Variants in NECTIN3 observed in about 807,000 individuals in gnomAD.
NECTIN3 encodes the protein nectin cell adhesion molecule 3.
In NECTIN3, 8 loss-of-function variants were observed where a neutral mutation model predicts 49.4. That is an observed-to-expected ratio of 0.16 (90% confidence interval 0.10 to 0.29). The LOEUF (loss-of-function observed/expected upper bound fraction) is 0.29. NECTIN3 is among the 10% of genes least tolerant of loss of function. The pLI, the probability that NECTIN3 is intolerant of heterozygous loss-of-function variation, is 1.00. For synonymous variants in NECTIN3, 277 were observed against 241.1 expected (o/e 1.15, Z -1.38); for missense variants, 581 against 654.6 (o/e 0.89, Z 1.23).
At chr3:111,074,190 A>G (rs773189810) in intron 1 of NECTIN3, 3 of 454,750 alleles carry the variant, frequency 6.6e-6, no homozygotes, top group Non-Finnish European at 1.3e-5. Flanking sequence ...AAGTCTTTGA[A>G]TAGGGCACAG....
Position 111,135,055 on chromosome 3 carries a change from C to T in NECTIN3, c.*840C>T, listed in dbSNP as rs984816856. The T allele has an allele frequency of 2.0e-6, 2 of 981,156 alleles. No homozygotes were observed. Among genetic ancestry groups the T allele is most frequent in the African/African-American group, 3.5e-5 (2 of 56,848 alleles). The allele number at this position is 981,156 out of a possible 1,614,324, so 60.8% of individuals were successfully genotyped here. On this transcript the variant is annotated 3_prime_UTR_variant, in exon 6 of 6. Transcript: ENST00000485303. ...TTTAATGCTTTATGTCCTAAACATA[C>T]TAATAGAAATGAAAAGACGCAGAGA...
At chr3:111,172,889 T>C (rs1206876301) in intron 7 of NECTIN3, among the ~76,000 whole-genome samples, 1 of 152,210 alleles carries the variant, frequency 6.6e-6, no homozygotes, top group Non-Finnish European at 1.5e-5. Flanking sequence ...GAGCTAAACA[T>C]GAGATTGCAG....
chr3:111,078,531 G>A (rs967449502), intron 1 of NECTIN3, among the ~76,000 whole-genome samples: 12 of 151,950 alleles, frequency 7.9e-5, no homozygotes, highest in African/African-American at 2.9e-4. Flanking sequence ...GTTTATTAAT[G>A]GTCTAAGAAA....
At chr3:111,073,498 G>T (rs1179804631) in intron 1 of NECTIN3, 1 of 152,264 alleles carries the variant, frequency 6.6e-6, no homozygotes, top group Admixed American at 6.5e-5. Context: ...TATGGTAAAT[G>T]GAATGTTATT....
intron 1 of NECTIN3, chr3:111,193,335 G>C: frequency 6.5e-7 from 1 of 1,535,646 alleles, no homozygotes; most frequent in Non-Finnish European, 8.7e-7. Context: ...TCAAAATAAC[G>C]ACCCTAAGAG....
intron 7 of NECTIN3, among the ~76,000 whole-genome samples, chr3:111,153,291 G>A (rs901234788): frequency 6.6e-6 from 1 of 151,850 alleles, no homozygotes; most frequent in Non-Finnish European, 1.5e-5. Context: ...ACAAAGCTTG[G>A]ATAAAATAAT....
chr3:111,079,964 T>A lies in NECTIN3; in HGVS notation c.160+7787T>A, dbSNP rs2031487841. Among the ~76,000 whole-genome samples the A allele has an allele frequency of 3.9e-5, 6 of 152,198 alleles. No homozygotes were observed. The South Asian group carries it at 1.2e-3, about 32-fold the overall frequency. ...AACAGTAAGGGAATTTCTGTTCTTTTTCAAGGTGTTGCATTGTTTATTGTT... is the reference window on the plus strand; with the variant it reads ...AACAGTAAGGGAATTTCTGTTCTTTATCAAGGTGTTGCATTGTTTATTGTT... On this transcript the variant is annotated intron_variant, in intron 1 of 5. Coordinates refer to ENST00000485303, the MANE Select transcript of NECTIN3 (RefSeq NM_015480.3).
chr3:111,104,241 T>G (rs1241733920), intron 1 of NECTIN3, among the ~76,000 whole-genome samples: 2 of 152,164 alleles, frequency 1.3e-5, no homozygotes, highest in East Asian at 3.8e-4. Context: ...TAGTTTTAGT[T>G]TACATTTCCT....
At chr3:111,083,387 A>C (rs2031744474) in intron 1 of NECTIN3, among the ~76,000 whole-genome samples, 1 of 152,142 alleles carries the variant, frequency 6.6e-6, no homozygotes, top group Non-Finnish European at 1.5e-5. Flanking sequence ...TTGGGAAGTA[A>C]TTAGGTTTAG....
At chr3:111,107,562 T>C (rs2033238963) in intron 1 of NECTIN3, among the ~76,000 whole-genome samples, 1 of 152,152 alleles carries the variant, frequency 6.6e-6, no homozygotes, top group African/African-American at 2.4e-5. Context: ...CTTTGCCTCT[T>C]TATATTCTAG....
chr3:111,128,007 T>C (rs536428045), intron 5 of NECTIN3, among the ~76,000 whole-genome samples: 38 of 152,200 alleles, frequency 2.5e-4, no homozygotes, highest in Non-Finnish European at 4.4e-4. Context: ...ATATTACTTG[T>C]AGACCTTAGA....
rs1049253023 is a variant in NECTIN3, at chr3:111,156,947, G to A, written c.1221+9463G>A. ...GTATATGTTAATTGGGAATGTGTTC[G>A]GGGCAAGCAGTTAGCCAGTTGGTAA... On this transcript the variant is annotated intron_variant, in intron 7 of 8. Coordinates refer to the NECTIN3 transcript ENST00000493615. Among the ~76,000 whole-genome samples the A allele has an allele frequency of 4.6e-5, 7 of 152,110 alleles. 1 individual carries two copies. The highest frequency in any genetic ancestry group is 4.1e-4 in the South Asian group (2 of 4,826).
intron 4 of NECTIN3, among the ~76,000 whole-genome samples, 158 bp from the exon 5 acceptor site, chr3:111,126,025 GA>G (rs1377253009): frequency 6.6e-6 from 1 of 152,008 alleles, no homozygotes; most frequent in Non-Finnish European, 1.5e-5. Flanking sequence ...TTATTAAAAT[GA>G]AAATTTGTTA....
intron 7 of NECTIN3, among the ~76,000 whole-genome samples, chr3:111,180,626 C>G (rs1428500049): frequency 6.6e-6 from 1 of 152,054 alleles, no homozygotes; most frequent in East Asian, 1.9e-4. Context: ...AGTGTAATAT[C>G]CTATATGCCT....
chr3:111,109,801 A>G (rs72622317), intron 1 of NECTIN3, among the ~76,000 whole-genome samples: 2 of 151,902 alleles, frequency 1.3e-5, no homozygotes, highest in Non-Finnish European at 2.9e-5. Context: ...CCCTGTTTTT[A>G]AAAAAATTTT....
chr3:111,192,215 C>T, upstream of NECTIN3: 1 of 723,506 alleles, frequency 1.4e-6, no homozygotes. Flanking sequence ...TTTTCTTACT[C>T]TCATGTGGAA....
intron 5 of NECTIN3, among the ~76,000 whole-genome samples, chr3:111,130,788 CAA>C (rs746734304): frequency 6.6e-5 from 10 of 152,092 alleles, no homozygotes; most frequent in Non-Finnish European, 1.0e-4. Context: ...GTAATACTCT[CAA>C]GAGGTATAGT....
chr3:111,086,256 G>A (rs1288819336), intron 1 of NECTIN3, among the ~76,000 whole-genome samples: 1 of 152,058 alleles, frequency 6.6e-6, no homozygotes, highest in East Asian at 1.9e-4. Flanking sequence ...TCTGTGAATG[G>A]TTTCTGTTGA....
At chr3:111,112,428 A>T in intron 2 of NECTIN3, 57 bp downstream of exon 2, 1 of 1,053,562 alleles carries the variant, frequency 9.5e-7, no homozygotes. Context: ...TAATAAAAAT[A>T]TTTTTAAGAA....
Sources: gnomAD v4.1 joint callset for allele counts (sites outside exome capture counted in the v4.1 genomes callset) on GRCh38, gnomAD v4.1.1 for gene constraint, MANE v1.5 for transcripts, NCBI Gene and HGNC (gene_info 2026-07-23, HGNC 2026-07-21) for gene names.